The following TENM2 variants were observed in gnomAD, a reference collection of about 807,000 sequenced individuals.
TENM2 encodes the protein teneurin transmembrane protein 2.
Under a neutral mutation model 245.2 loss-of-function variants are expected in TENM2, and 52 were observed. That is an observed-to-expected ratio of 0.21 (90% CI 0.17 to 0.27). The LOEUF (loss-of-function observed/expected upper bound fraction) is 0.27, where lower values mean the gene tolerates loss of function less well. TENM2 is among the 10% of genes least tolerant of loss of function. TENM2 has a pLI of 1.00. For synonymous variants in TENM2, 1,363 were observed against 1,438.9 expected (o/e 0.95, Z 1.19); for missense variants, 3,046 against 3,666.8 (o/e 0.83, Z 4.37).
intron 2 of TENM2, among the ~76,000 whole-genome samples, chr5:167,654,168 T>A (rs1362949720): frequency 2.6e-5 from 4 of 152,184 alleles, no homozygotes; most frequent in Non-Finnish European, 5.9e-5. Context: ...ATGCGGTTTT[T>A]CTCTACCATT....
chr5:168,107,823 A>G (rs906760697), intron 9 of TENM2, among the ~76,000 whole-genome samples: 1 of 152,192 alleles, frequency 6.6e-6, no homozygotes, highest in African/African-American at 2.4e-5. Context: ...TCATCATGGA[A>G]AGCCATGCTC....
At chr5:167,918,956 C>T (rs1487870467) in intron 3 of TENM2, among the ~76,000 whole-genome samples, 3 of 152,070 alleles carry the variant, frequency 2.0e-5, no homozygotes, top group Admixed American at 6.5e-5. Context: ...GCTGAGCAAT[C>T]AACAATGTGT....
intron 4 of TENM2, among the ~76,000 whole-genome samples, chr5:167,989,398 G>T (rs976328413): frequency 6.6e-6 from 1 of 152,118 alleles, no homozygotes; most frequent in Non-Finnish European, 1.5e-5. Flanking sequence ...GCTAGGATGG[G>T]TTAGGTGGGA....
In TENM2 at chr5:168,244,948, T is replaced by C. The variant is rs1766416295; in HGVS notation, c.5817+232T>C. On this transcript the variant is annotated intron_variant, in intron 26 of 28. Transcript: ENST00000518659. The surrounding 1 kb of genome is among the most constrained non-coding windows in gnomAD (Gnocchi z 4.9). ...CCACGCCCGGCTAATTTTGTATTTT[T>C]AGTAGAGATGGGTTTCCCCACATTG... Among the ~76,000 whole-genome samples the C allele has an allele frequency of 6.6e-6, 1 of 151,940 alleles. No individual in the cohort carries two copies. Among genetic ancestry groups the C allele is most frequent in the African/African-American group, 2.4e-5 (1 of 41,358 alleles).
At chr5:167,488,163 G>T (rs1195112325) in intron 2 of TENM2, among the ~76,000 whole-genome samples, 1 of 151,950 alleles carries the variant, frequency 6.6e-6, no homozygotes, top group Admixed American at 6.6e-5. Flanking sequence ...GTCTTTCTTG[G>T]ATCTTAACTG....
intron 2 of TENM2, among the ~76,000 whole-genome samples, chr5:167,476,640 C>G (rs1767400413): frequency 6.6e-6 from 1 of 151,906 alleles, no homozygotes; most frequent in African/African-American, 2.4e-5. Context: ...TCTTTGTTGC[C>G]CAGGCTGGGG....
chr5:167,932,219 G>A (rs1302604435), intron 3 of TENM2, among the ~76,000 whole-genome samples: 1 of 152,110 alleles, frequency 6.6e-6, no homozygotes, highest in African/African-American at 2.4e-5. Context: ...CAGACTAATG[G>A]TGAGTGGATG....
chr5:167,786,895 A>C (rs114854651), intron 2 of TENM2, among the ~76,000 whole-genome samples: 1 of 152,352 alleles, frequency 6.6e-6, no homozygotes, highest in African/African-American at 2.4e-5. Flanking sequence ...AAATGCAAAA[A>C]GTTAACCCGT....
chr5:167,690,920 AGTATGTGTGTGTGTGTGTGTGTGTGT>A (rs1366256565), intron 2 of TENM2, among the ~76,000 whole-genome samples: 3 of 136,538 alleles, frequency 2.2e-5, no homozygotes, highest in East Asian at 4.1e-4. Context: ...CGTATATGCG[AGTATGTGTGTGTGTGTGTGTGTGTGT>A]GTGTGTGTGT....
intron 2 of TENM2, among the ~76,000 whole-genome samples, chr5:167,846,461 G>T (rs1263031408): frequency 6.6e-6 from 1 of 152,118 alleles, no homozygotes; most frequent in Non-Finnish European, 1.5e-5. Flanking sequence ...GAGAAGCTCT[G>T]GCCATCAGCA....
At chr5:167,620,491 G>A (rs768983495) in intron 2 of TENM2, among the ~76,000 whole-genome samples, 14 of 146,648 alleles carry the variant, frequency 9.5e-5, no homozygotes, top group Non-Finnish European at 1.5e-4. Flanking sequence ...TTTTAATAAG[G>A]CTATTGTGGA....
At chr5:167,838,103 T>C (rs892280446) in intron 2 of TENM2, among the ~76,000 whole-genome samples, 4 of 152,222 alleles carry the variant, frequency 2.6e-5, no homozygotes, top group African/African-American at 7.2e-5. Context: ...TCCACACAAG[T>C]TGGCAACTTC....
At position 168,090,517 on chromosome 5, in the gene TENM2, G is replaced by C. The variant is rs998663867; in HGVS notation, c.1516-57G>C. 2.0e-6 allele frequency: 3 copies of C among 1,484,080 alleles called. No individual in the cohort carries two copies. In the Admixed American group the frequency reaches 5.5e-5, roughly 27 times the overall value. 91.9% of individuals were successfully genotyped at this position (1,484,080 alleles called of 1,614,324 possible). A position where few individuals can be genotyped will look rare whatever the true frequency, so the allele number is the denominator to read the frequency against. On this transcript the variant is annotated intron_variant, in intron 7 of 28. Coordinates refer to ENST00000518659, the Ensembl canonical transcript of TENM2. ...AATGGGTTCGGGGGGAAGGTACCAGGTATGGGACCACATCCACACCTTGTC... is the reference window on the plus strand; with the variant it reads ...AATGGGTTCGGGGGGAAGGTACCAGCTATGGGACCACATCCACACCTTGTC...
intron 1 of TENM2, among the ~76,000 whole-genome samples, chr5:167,310,695 C>T (rs1744913476): frequency 6.6e-6 from 1 of 152,000 alleles, no homozygotes; most frequent in Admixed American, 6.6e-5. Flanking sequence ...CCTGAAACAA[C>T]TAAAATAAGA....
Position 167,406,641 on chromosome 5 carries a change from C to T in TENM2, c.502+31168C>T, listed in dbSNP as rs138176960. 6.9e-3 allele frequency among the ~76,000 whole-genome samples: 1,052 copies of T among 152,216 alleles called. 5 individuals are homozygous for T. Among genetic ancestry groups the T allele is most frequent in the Middle Eastern group, 0.031 (9 of 294 alleles). ...AGAACTCTGTGAACAAAAAAGCATT[C>T]TACAGATGAGGAAACTGATTGTCAT... On this transcript the variant is annotated intron_variant, in intron 2 of 28. Transcript: ENST00000518659.
chr5:167,500,495 A>C (rs112161050), intron 2 of TENM2, among the ~76,000 whole-genome samples: 2 of 152,280 alleles, frequency 1.3e-5, no homozygotes, highest in Admixed American at 6.5e-5. Flanking sequence ...TTAAAAAAAT[A>C]AAAAGAAATG....
intron 2 of TENM2, among the ~76,000 whole-genome samples, chr5:167,691,204 C>T (rs913087307): frequency 1.3e-5 from 2 of 152,110 alleles, no homozygotes; most frequent in Non-Finnish European, 2.9e-5. Context: ...GTCTCACACA[C>T]TTGTGATTTT....
At chr5:167,867,756 G>A (rs1369154247) in intron 2 of TENM2, among the ~76,000 whole-genome samples, 2 of 152,180 alleles carry the variant, frequency 1.3e-5, no homozygotes, top group African/African-American at 4.8e-5. Context: ...ACCTAAAACT[G>A]AGGTGGAACA....
intron 2 of TENM2, among the ~76,000 whole-genome samples, chr5:167,442,262 C>A (rs1196665312): frequency 6.6e-6 from 1 of 152,026 alleles, no homozygotes. Flanking sequence ...TTAACTGTTT[C>A]TAGCATTACA....
Sources: allele counts gnomAD v4.1 joint callset (sites outside exome capture counted in the v4.1 genomes callset), GRCh38; gene constraint gnomAD v4.1.1; non-coding constraint Gnocchi (gnomAD v3.1); transcripts MANE v1.5; gene names NCBI Gene and HGNC (gene_info 2026-07-23, HGNC 2026-07-21).